The following EPGN variants were observed in gnomAD, a reference collection of about 807,000 sequenced individuals.
The protein encoded by EPGN is epithelial mitogen.
Under a neutral mutation model 20.7 loss-of-function variants are expected in EPGN, and 21 were observed. That is an observed-to-expected ratio of 1.01 (90% CI 0.72 to 1.46). The LOEUF (loss-of-function observed/expected upper bound fraction) is 1.46, where lower values mean the gene tolerates loss of function less well. EPGN is among the 40% of genes most tolerant of loss of function. The pLI, the probability that EPGN is intolerant of heterozygous loss-of-function variation, is 0.00. For missense variants in EPGN, 199 were observed against 180.7 expected, an observed-to-expected ratio of 1.10 and a Z score of -0.58; for synonymous variants, 69 against 63.8, an observed-to-expected ratio of 1.08 and a Z score of -0.39.
At position 74,314,620 on chromosome 4, in the gene EPGN, G is replaced by C; in HGVS notation, c.448G>C (p.Glu150Gln). 1.3e-6 allele frequency: 2 copies of C among 1,536,016 alleles called. No individual in the cohort carries two copies. The highest frequency in any genetic ancestry group is 1.7e-6 in the Non-Finnish European group (2 of 1,146,808). The change falls in exon 5 of 5, where the codon GAA becomes CAA. Residue 150 changes from glutamate (E) to glutamine (Q), a missense_variant. Physicochemically the swap from Glu to Gln is conservative, Grantham distance 29. Coordinates refer to ENST00000413830, the MANE Select transcript of EPGN (RefSeq NM_001270989.2). ...ATCGCCTTACAATGTCTGTTCTGGA[G>C]AAAGACGACCACTGTGAGGCCTTTG... ...LKSPYNVCSG[E>Q]RRPL is the part of the protein sequence containing the mutation.
At chr4:74,312,929 C>A (rs941091654) in intron 3 of EPGN, 89 bp from the exon 4 acceptor site, 45 of 1,097,614 alleles carry the variant, frequency 4.1e-5, no homozygotes, top group Admixed American at 2.4e-4. Flanking sequence ...TTCCTTATTT[C>A]CATTTATTTT....
chr4:74,308,988 T>TA (rs1750714124), intron 1 of EPGN, 105 bp from the exon 2 acceptor site: 8 of 864,240 alleles, frequency 9.3e-6, no homozygotes, highest in East Asian at 2.6e-5. Context: ...TGTAATAAAT[T>TA]AAAAAAATAG....
chr4:74,309,933 C>T (rs1441533886), intron 2 of EPGN, among the ~76,000 whole-genome samples: 2 of 152,138 alleles, frequency 1.3e-5, no homozygotes, highest in Non-Finnish European at 2.9e-5. Context: ...CAATGTCTTG[C>T]ACTCAGAGTC....
At chr4:74,313,336 T>C in intron 4 of EPGN, 166 bp downstream of exon 4, 3 of 1,405,918 alleles carry the variant, frequency 2.1e-6, no homozygotes, top group Non-Finnish European at 2.7e-6. Context: ...CCTTTTCTCA[T>C]AAACCCAGAC....
rs374832891 is a variant in EPGN, at chr4:74,312,335, A to C, written c.254+30A>C. The C allele has an allele frequency of 1.9e-6, 3 of 1,596,706 alleles. No homozygotes were observed. The African/African-American group carries it at 4.1e-5, about 22-fold the overall frequency. On this transcript the variant is annotated intron_variant, in intron 3 of 4. Coordinates refer to ENST00000413830, the MANE Select transcript of EPGN (RefSeq NM_001270989.2). ...ATGCAAAGAAATATCCAAGTCCTAGAGACAGGAGATGAGTTTATGTCTCTG... is the reference window on the plus strand; with the variant it reads ...ATGCAAAGAAATATCCAAGTCCTAGCGACAGGAGATGAGTTTATGTCTCTG...
rs758636783 is a variant in EPGN, at chr4:74,312,226, C to A, written c.175C>A (p.Leu59Ile). The A allele has an allele frequency of 2.5e-6, 4 of 1,613,192 alleles. No individual in the cohort carries two copies. In the South Asian group the frequency reaches 3.3e-5, roughly 13 times the overall value. ...EGPIALKFSH[L>I]CLEDHNSYCI... ...ACCCATAGCCTTGAAGTTCTCACAC[C>A]TTTGCCTGGAAGATCATAACAGTTA... The change falls in exon 3 of 5, where the codon CTT becomes ATT. Residue 59 changes from leucine to isoleucine, a missense_variant. By Grantham distance (5) the Leu-to-Ile change is conservative. Coordinates refer to ENST00000413830, the MANE Select transcript of EPGN (RefSeq NM_001270989.2).
chr4:74,313,845 TAATAAG>T (rs1028537862), intron 4 of EPGN, among the ~76,000 whole-genome samples: 1 of 152,208 alleles, frequency 6.6e-6, no homozygotes, highest in Admixed American at 6.5e-5. Flanking sequence ...TGCTGTACTC[TAATAAG>T]TTGTCATTTC....
chr4:74,312,328 G>C, intron 3 of EPGN, 23 bp downstream of exon 3: 1 of 1,600,322 alleles, frequency 6.2e-7, no homozygotes, highest in Non-Finnish European at 8.5e-7. Flanking sequence ...AAATATCCAA[G>C]TCCTAGAGAC....
Position 74,316,566 on chromosome 4 carries a change from C to A in EPGN, c.*1929C>A, listed in dbSNP as rs1287675674. The stretch of plus-strand genomic sequence containing the variant: ...GAATTTAATGCAAACGGATTGCAGT[C>A]AGCACTTTCTGAATGTTTTCACACA... On this transcript the variant is annotated 3_prime_UTR_variant, in exon 5 of 5. Coordinates refer to ENST00000413830, the MANE Select transcript of EPGN (RefSeq NM_001270989.2). 1.3e-5 allele frequency among the ~76,000 whole-genome samples: 2 copies of A among 152,174 alleles called. No homozygotes were observed. Among genetic ancestry groups the A allele is most frequent in the Non-Finnish European group, 2.9e-5 (2 of 68,034 alleles).
At chr4:74,308,690 G>T in intron 1 of EPGN, 114 bp downstream of exon 1, 1 of 828,354 alleles carries the variant, frequency 1.2e-6, no homozygotes, top group Admixed American at 2.5e-5. Flanking sequence ...TTATGACAAA[G>T]ATCAGAGTAA....
At chr4:74,309,919 G>A (rs1240554853) in intron 2 of EPGN, among the ~76,000 whole-genome samples, 1 of 152,110 alleles carries the variant, frequency 6.6e-6, no homozygotes, top group African/African-American at 2.4e-5. Flanking sequence ...TAGGACAGAG[G>A]AAACAATGTC....
chr4:74,310,407 AGCTGAGATGGGGCCATT>A (rs532193046), intron 2 of EPGN, among the ~76,000 whole-genome samples: 23,933 of 140,496 alleles, frequency 0.17, 2,041 homozygotes, highest in African/African-American at 0.19. Flanking sequence ...GGCTGCAGTG[AGCTGAGATGGGGCCATT>A]GCACTCCAGC....
intron 4 of EPGN, chr4:74,313,642 G>T (rs1041847752): frequency 1.4e-5 from 14 of 990,582 alleles, no homozygotes; most frequent in Middle Eastern, 5.2e-4. Flanking sequence ...TCAACTGGGG[G>T]TATCTTCAGA....
chr4:74,310,533 T>A (rs929490753), intron 2 of EPGN, among the ~76,000 whole-genome samples: 1 of 151,064 alleles, frequency 6.6e-6, no homozygotes, highest in African/African-American at 2.4e-5. Context: ...TTTCTCTCAA[T>A]GACTGACTTC....
chr4:74,312,222 A>G lies in EPGN; in HGVS notation c.171A>G (p.Ser57=). ...AAGGACCCATAGCCTTGAAGTTCTC[A>G]CACCTTTGCCTGGAAGATCATAACA... ...NIEGPIALKF[S]HLCLEDHNSY... is the part of the protein sequence containing the mutation. The change falls in exon 3 of 5, where the codon TCA becomes TCG. Residue 57 remains serine (S), a synonymous_variant. Transcript: ENST00000413830. The G allele has an allele frequency of 1.9e-6, 3 of 1,613,104 alleles. No individual in the cohort carries two copies. The highest frequency in any genetic ancestry group is 2.5e-6 in the Non-Finnish European group (3 of 1,179,466).
intron 2 of EPGN, 21 bp downstream of exon 2, chr4:74,309,203 T>C: frequency 6.2e-7 from 1 of 1,603,998 alleles, no homozygotes; most frequent in Non-Finnish European, 8.5e-7. Context: ...CCCATTTTCA[T>C]ATTTCACAAG....
At chr4:74,312,693 T>C (rs1182629525) in intron 3 of EPGN, among the ~76,000 whole-genome samples, 4 of 152,204 alleles carry the variant, frequency 2.6e-5, no homozygotes, top group Non-Finnish European at 5.9e-5. Context: ...GAATATGAAG[T>C]TCTAGAGCAA....
rs780166560 is a variant in EPGN, at chr4:74,313,189, A to G, written c.407+19A>G. The stretch of plus-strand genomic sequence containing the variant: ...GAAAGAGGTATGAAAAAGACAAAAT[A>G]TGAAGTCACTTCATATGCAATCGTT... On this transcript the variant is annotated intron_variant, in intron 4 of 4. Coordinates refer to ENST00000413830, the MANE Select transcript of EPGN (RefSeq NM_001270989.2). 1.2e-6 allele frequency: 2 copies of G among 1,606,550 alleles called. No individual in the cohort carries two copies. The highest frequency in any genetic ancestry group is 2.2e-5 in the South Asian group (2 of 89,450).
intron 2 of EPGN, 56 bp from the exon 3 acceptor site, chr4:74,312,129 T>A: frequency 6.5e-7 from 1 of 1,538,846 alleles, no homozygotes; most frequent in Non-Finnish European, 8.7e-7. Flanking sequence ...GTATTAAAAA[T>A]TTACCATAAA....
Sources: gnomAD v4.1 joint callset for allele counts (sites outside exome capture counted in the v4.1 genomes callset) on GRCh38, gnomAD v4.1.1 for gene constraint, MANE v1.5 for transcripts, NCBI Gene and HGNC (gene_info 2026-07-23, HGNC 2026-07-21) for gene names.